The following GRM8 variants were observed in gnomAD, a reference collection of about 807,000 sequenced individuals.
GRM8 encodes the protein glutamate metabotropic receptor 8.
GRM8 carries 47 observed loss-of-function variants against 87.2 expected under a neutral mutation model. That is an observed-to-expected ratio of 0.54 (90% CI 0.43 to 0.69). The LOEUF (loss-of-function observed/expected upper bound fraction) is 0.69. GRM8 is among the 30% of genes least tolerant of loss of function. The pLI is 0.00. For synonymous variants in GRM8, 396 were observed against 404.5 expected, an observed-to-expected ratio of 0.98 and a Z score of 0.25; for missense variants, 1,019 against 1,139.2, an observed-to-expected ratio of 0.89 and a Z score of 1.52.
chr7:126,629,861 T>G (rs574974524), intron 7 of GRM8, among the ~76,000 whole-genome samples: 1 of 152,288 alleles, frequency 6.6e-6, no homozygotes, highest in Non-Finnish European at 1.5e-5. Flanking sequence ...ATTTTAAAAT[T>G]GCTGTCAATT....
chr7:127,013,517 TGGGGATGGGGGATG>T (rs56183037), intron 3 of GRM8, among the ~76,000 whole-genome samples: 1 of 46,826 alleles, frequency 2.1e-5, no homozygotes, highest in African/African-American at 1.2e-4. Flanking sequence ...GGCTCTCTGG[TGGGGATGGGGGATG>T]GGGGATGGGG....
intron 6 of GRM8, among the ~76,000 whole-genome samples, chr7:126,806,912 G>A (rs1792824533): frequency 1.3e-5 from 2 of 152,218 alleles, no homozygotes; most frequent in Non-Finnish European, 1.5e-5. Context: ...AGAGGGAGCC[G>A]GCTCTGGCCT....
intron 3 of GRM8, among the ~76,000 whole-genome samples, chr7:127,045,917 C>T (rs886141917): frequency 2.0e-5 from 3 of 152,200 alleles, no homozygotes; most frequent in African/African-American, 7.2e-5. Context: ...AAATCTCTCA[C>T]ACATACACAC....
At chr7:127,091,403 C>T (rs1824061262) in intron 3 of GRM8, among the ~76,000 whole-genome samples, 1 of 135,204 alleles carries the variant, frequency 7.4e-6, no homozygotes, top group Non-Finnish European at 1.6e-5. Context: ...CCCCCCACCA[C>T]CATCCCCGTC....
intron 9 of GRM8, among the ~76,000 whole-genome samples, chr7:126,527,151 G>A (rs1323704375): frequency 1.3e-5 from 2 of 152,196 alleles, no homozygotes; most frequent in African/African-American, 2.4e-5. Flanking sequence ...TTGAGGTCAG[G>A]AGTTTGAGAC....
intron 7 of GRM8, among the ~76,000 whole-genome samples, chr7:126,748,782 T>C (rs7801141): frequency 0.79 from 120,313 of 151,890 alleles, 48,752 homozygotes; most frequent in Non-Finnish European, 0.89. Context: ...TATTAGAATA[T>C]GCATACACAT....
chr7:127,242,061 CCTG>C (rs1003311863), intron 2 of GRM8, among the ~76,000 whole-genome samples: 1 of 152,022 alleles, frequency 6.6e-6, no homozygotes, highest in Non-Finnish European at 1.5e-5. Context: ...TCTAATTTAT[CCTG>C]CTAAATTTGA....
intron 7 of GRM8, among the ~76,000 whole-genome samples, chr7:126,628,622 T>G (rs996726171): frequency 6.6e-6 from 1 of 152,234 alleles, no homozygotes; most frequent in Non-Finnish European, 1.5e-5. Flanking sequence ...AACAATTACT[T>G]AAAATTTTTT....
chr7:127,181,380 T>C (rs968384722), intron 2 of GRM8, among the ~76,000 whole-genome samples: 2 of 152,042 alleles, frequency 1.3e-5, no homozygotes, highest in African/African-American at 4.8e-5. Context: ...TCCATGCTCA[T>C]GGGATGGGTA....
chr7:127,061,014 C>T (rs572168411), intron 3 of GRM8, among the ~76,000 whole-genome samples: 2 of 152,256 alleles, frequency 1.3e-5, no homozygotes, highest in South Asian at 4.1e-4. Flanking sequence ...TCATATGAAA[C>T]TTGCCTGCCT....
intron 3 of GRM8, among the ~76,000 whole-genome samples, chr7:126,986,614 A>G (rs1406520954): frequency 6.6e-6 from 1 of 152,208 alleles, no homozygotes; most frequent in Non-Finnish European, 1.5e-5. Context: ...ATTAATATAC[A>G]CAAATGTATA....
intron 7 of GRM8, among the ~76,000 whole-genome samples, chr7:126,749,848 G>A (rs1277150752): frequency 6.6e-6 from 1 of 152,098 alleles, no homozygotes; most frequent in Non-Finnish European, 1.5e-5. Context: ...ATCAAGTGTT[G>A]GAGAGGAGTA....
At chr7:127,235,759 G>T (rs546195630) in intron 2 of GRM8, among the ~76,000 whole-genome samples, 5 of 152,306 alleles carry the variant, frequency 3.3e-5, no homozygotes, top group African/African-American at 1.2e-4. Flanking sequence ...TAGGGTTTGG[G>T]CATCCATAAT....
chr7:126,997,606 C>A (rs1313432100), intron 3 of GRM8, among the ~76,000 whole-genome samples: 1 of 147,238 alleles, frequency 6.8e-6, no homozygotes, highest in Non-Finnish European at 1.5e-5. Flanking sequence ...GAAGACATTA[C>A]AACTGATACA....
intron 6 of GRM8, among the ~76,000 whole-genome samples, chr7:126,780,096 AAG>A (rs1819899361): frequency 6.6e-6 from 1 of 152,240 alleles, no homozygotes; most frequent in Non-Finnish European, 1.5e-5. Flanking sequence ...ATACAAATGA[AAG>A]AGATTACAAC....
At chr7:126,737,843 C>A (rs956855656) in intron 7 of GRM8, among the ~76,000 whole-genome samples, 1 of 152,022 alleles carries the variant, frequency 6.6e-6, no homozygotes, top group Admixed American at 6.6e-5. Context: ...CTTTGCAATT[C>A]AATTGCAGTA....
intron 8 of GRM8, among the ~76,000 whole-genome samples, chr7:126,575,129 G>A (rs1340488805): frequency 2.6e-5 from 4 of 152,068 alleles, no homozygotes; most frequent in Admixed American, 6.6e-5. Context: ...GTTAGGAACT[G>A]GGCTGCGTAG....
At chr7:126,831,692 A>G (rs536141495) in intron 6 of GRM8, among the ~76,000 whole-genome samples, 1 of 152,210 alleles carries the variant, frequency 6.6e-6, no homozygotes, top group African/African-American at 2.4e-5. Context: ...GCTGGTGCAC[A>G]GTGCGCTGCA....
chr7:127,139,738 T>C (rs1828153893), intron 2 of GRM8, among the ~76,000 whole-genome samples: 1 of 152,078 alleles, frequency 6.6e-6, no homozygotes, highest in African/African-American at 2.4e-5. Context: ...GACTGGGCAG[T>C]AGGCAGAAAT....
Sources: gnomAD v4.1 joint callset for allele counts (sites outside exome capture counted in the v4.1 genomes callset) on GRCh38, gnomAD v4.1.1 for gene constraint, MANE v1.5 for transcripts, NCBI Gene and HGNC (gene_info 2026-07-23, HGNC 2026-07-21) for gene names.